The following S100A2 variants were observed in gnomAD, a reference collection of about 807,000 sequenced individuals.
S100A2 encodes the protein S100 calcium binding protein A2.
In S100A2, 5 loss-of-function variants were observed where a neutral mutation model predicts 4.3. The ratio of observed to expected loss-of-function variants is 1.16; its 90% CI spans 0.61 to 2.44. The LOEUF (loss-of-function observed/expected upper bound fraction) is 2.44. Among genes scored for constraint, S100A2 ranks in the 30% most tolerant of loss-of-function variants. The probability of loss-of-function intolerance (pLI) is 0.01; values close to 1 mark genes in which losing one functional copy is unlikely to be tolerated. For missense variants in S100A2, 103 were observed against 114.7 expected, an observed-to-expected ratio of 0.90 and a Z score of 0.47; for synonymous variants, 44 against 46.0, an observed-to-expected ratio of 0.96 and a Z score of 0.17.
chr1:153,563,906 A>G lies in S100A2; in HGVS notation c.-10-19T>C, dbSNP rs1462724188. The G allele has an allele frequency of 1.9e-6, 3 of 1,611,336 alleles. No individual in the cohort carries two copies. The highest frequency in any genetic ancestry group is 1.7e-5 in the Admixed American group (1 of 59,832). On this transcript the variant is annotated intron_variant, in intron 1 of 2. Coordinates refer to ENST00000368708, the MANE Select transcript of S100A2 (RefSeq NM_005978.4). Reference sequence around the variant, plus strand: ...TCTGTGGCTGCAGAGGTGCCAGGTGATGGGTACACTGCTGAGGCTCTTGGG... The same window carrying G: ...TCTGTGGCTGCAGAGGTGCCAGGTGGTGGGTACACTGCTGAGGCTCTTGGG...
chr1:153,565,152 A>C lies in S100A2; in HGVS notation c.-11+354T>G, dbSNP rs113453867. Among the ~76,000 whole-genome samples the C allele has an allele frequency of 6.8e-3, 1,035 of 151,872 alleles. 10 individuals carry two copies. Among genetic ancestry groups the C allele is most frequent in the African/African-American group, 0.023 (946 of 41,412 alleles). On this transcript the variant is annotated intron_variant, in intron 1 of 2. Coordinates refer to ENST00000368708, the MANE Select transcript of S100A2 (RefSeq NM_005978.4). ...TGGTGAAACCCCATCTCTACTAAAAATACAAAAAAATTAGCCGGGCATGGT... is the reference window on the plus strand; with the variant it reads ...TGGTGAAACCCCATCTCTACTAAAACTACAAAAAAATTAGCCGGGCATGGT...
chr1:153,563,402 A>C (rs1665937455), intron 2 of S100A2: 1 of 1,534,398 alleles, frequency 6.5e-7, no homozygotes, highest in Non-Finnish European at 8.8e-7. Flanking sequence ...GAAAAGAGAG[A>C]GAGAGAACGT....
At chr1:153,564,429 CCT>C (rs959254706) in intron 1 of S100A2, among the ~76,000 whole-genome samples, 2 of 152,184 alleles carry the variant, frequency 1.3e-5, no homozygotes, top group Admixed American at 6.5e-5. Context: ...AGGAGTGTTT[CCT>C]CTCTCAGACT....
chr1:153,564,791 C>T (rs1665971241), intron 1 of S100A2, among the ~76,000 whole-genome samples: 1 of 134,474 alleles, frequency 7.4e-6, no homozygotes, highest in Non-Finnish European at 1.5e-5. Flanking sequence ...GGGGCCATGA[C>T]CCAGGCAGAG....
chr1:153,565,311 CAAAAAAAAAA>C (rs57778287), intron 1 of S100A2, among the ~76,000 whole-genome samples, 185 bp downstream of exon 1: 1 of 46,758 alleles, frequency 2.1e-5, no homozygotes, highest in African/African-American at 7.5e-5. Flanking sequence ...GACTCCATCT[CAAAAAAAAAA>C]AAAAAAAAAA....
At position 153,563,815 on chromosome 1, in the gene S100A2, G is replaced by A. The variant is rs1441558929; in HGVS notation, c.63C>T (p.Ser21=). Residue 21 remains serine, a synonymous_variant, in exon 2 of 3, where the codon TCC becomes TCT. Coordinates refer to ENST00000368708, the MANE Select transcript of S100A2 (RefSeq NM_005978.4). ...GCTTGAACTTGTCGCCCTCTTGGCA[G>A]GAGTACTTGTGGAAGGTAGTGACCA... The part of the protein sequence containing the change: ...AVLVTTFHKY[S]CQEGDKFKLS... 6.2e-7 allele frequency: 1 copy of A among 1,614,196 alleles called. No homozygotes were observed. The highest frequency in any genetic ancestry group is 2.2e-5 in the East Asian group (1 of 44,882).
At position 153,562,969 on chromosome 1, in the gene S100A2, C is replaced by CAAAAA. The variant is rs35473116; in HGVS notation, c.144+760_144+764dup. On this transcript the variant is annotated intron_variant, in intron 2 of 2. Transcript: ENST00000368708. ...AGAGTGAGATCTTGTCCCCCCACCA[C>CAAAAA]AAAAAAAAAAAAAAAAAAAGGAGTC... Among the ~76,000 whole-genome samples, 17 of 94,412 alleles carry CAAAAA rather than the reference C, an allele frequency of 1.8e-4. 1 individual carries two copies. Among genetic ancestry groups the CAAAAA allele is most frequent in the South Asian group, 3.7e-4 (1 of 2,670 alleles). The allele number at this position is 94,412 out of a possible 152,430, so 61.9% of individuals were successfully genotyped here.
intron 1 of S100A2, chr1:153,564,227 T>C (rs1665959162): frequency 4.7e-6 from 1 of 214,018 alleles, no homozygotes; most frequent in Admixed American, 5.4e-5. Flanking sequence ...TTTGATGGCA[T>C]CTGCGCAGGC....
At position 153,565,746 on chromosome 1, in the gene S100A2, A is replaced by T. The variant is rs1457740966; in HGVS notation, c.-251T>A. On this transcript the variant is annotated 5_prime_UTR_variant, in exon 1 of 3. It adds an upstream start codon to the 5' untranslated region. Transcript: ENST00000368708. ...TGGGGGAGGGCTCTAGGCCAGGTCA[A>T]GGGCAGCCCCTGAGCCCACCCAGGC... 1 of 152,466 alleles carries T rather than the reference A, an allele frequency of 6.6e-6. No individual in the cohort carries two copies. The highest frequency in any genetic ancestry group is 1.5e-5 in the Non-Finnish European group (1 of 68,216). 9.4% of individuals were successfully genotyped at this position (152,466 alleles called of 1,614,324 possible). A position where few individuals can be genotyped will look rare whatever the true frequency, so the allele number is the denominator to read the frequency against.
chr1:153,562,096 G>C (rs749987689), intron 2 of S100A2, among the ~76,000 whole-genome samples: 9 of 151,970 alleles, frequency 5.9e-5, no homozygotes, highest in Non-Finnish European at 1.2e-4. Context: ...CAAGTAGCTG[G>C]GACCACAGGC....
At chr1:153,561,685 G>A in intron 2 of S100A2, 94 bp from the exon 3 acceptor site, 4 of 1,577,792 alleles carry the variant, frequency 2.5e-6, no homozygotes, top group Non-Finnish European at 3.5e-6. Context: ...TTGGTTCCCA[G>A]CTCTCCCTCC....
At chr1:153,565,253 A>C (rs555334860) in intron 1 of S100A2, among the ~76,000 whole-genome samples, 91 of 143,210 alleles carry the variant, frequency 6.4e-4, no homozygotes, top group African/African-American at 2.2e-3. Context: ...GGGAGTTTGC[A>C]GTGAGCTGAG....
At position 153,561,292 on chromosome 1, in the gene S100A2, A is replaced by G. The variant is rs1156585791; in HGVS notation, c.*147T>C. 6 of 955,576 alleles carry G rather than the reference A, an allele frequency of 6.3e-6. No homozygotes were observed. Among genetic ancestry groups the G allele is most frequent in the Non-Finnish European group, 9.4e-6 (6 of 637,824 alleles). 59.2% of individuals were successfully genotyped at this position (955,576 alleles called of 1,614,324 possible). A position where few individuals can be genotyped will look rare whatever the true frequency, so the allele number is the denominator to read the frequency against. ...ATCCAGGAGGCCCTCATCTCCCAGC[A>G]CTCCAGCTGAGCCAGCCGGGTTATG... is the stretch of plus-strand genomic sequence containing the variant. On this transcript the variant is annotated 3_prime_UTR_variant, in exon 3 of 3. Coordinates refer to ENST00000368708, the MANE Select transcript of S100A2 (RefSeq NM_005978.4).
In S100A2 at chr1:153,561,492, G is replaced by A. The variant is rs1485211696; in HGVS notation, c.244C>T (p.Leu82Phe). Residue 82 changes from leucine to phenylalanine, a missense_variant, in exon 3 of 3, where the codon CTC becomes TTC. Transcript: ENST00000368708. ...DFQEYAVFLA[L>F]ITVMCNDFFQ... is the part of the protein sequence containing the mutation. Reference sequence around the variant, plus strand: ...AAGTCATTGCACATGACAGTGATGAGTGCCAGGAAAACAGCATACTCCTGG... The same window carrying A: ...AAGTCATTGCACATGACAGTGATGAATGCCAGGAAAACAGCATACTCCTGG... 6.2e-7 allele frequency: 1 copy of A among 1,614,192 alleles called. No homozygotes were observed.
chr1:153,563,568 C>T (rs753539777), intron 2 of S100A2, 166 bp downstream of exon 2: 80 of 1,551,820 alleles, frequency 5.2e-5, no homozygotes, highest in African/African-American at 9.6e-5. Context: ...TAAGCACTCC[C>T]ACTCGGGCCT....
chr1:153,564,009 G>T, intron 1 of S100A2, 122 bp from the exon 2 acceptor site: 1 of 995,304 alleles, frequency 1.0e-6, no homozygotes, highest in Non-Finnish European at 1.4e-6. Flanking sequence ...TGAATGGGAA[G>T]GCAGGGGCTG....
At position 153,564,052 on chromosome 1, in the gene S100A2, C is replaced by T. The variant is rs982947678; in HGVS notation, c.-10-165G>A. On this transcript the variant is annotated intron_variant, in intron 1 of 2. Coordinates refer to ENST00000368708, the MANE Select transcript of S100A2 (RefSeq NM_005978.4). ...CCCTCAGACTGTGGTTCCCTGAGGC[C>T]GGAGGCGATACCTCCATCTCACCCT... 20 of 653,634 alleles carry T rather than the reference C, an allele frequency of 3.1e-5. No individual in the cohort carries two copies. In the East Asian group the frequency reaches 3.4e-4, roughly 11 times the overall value. 40.5% of individuals were successfully genotyped at this position (653,634 alleles called of 1,614,324 possible).
chr1:153,563,383 A>G (rs756805240), intron 2 of S100A2: 129 of 1,518,740 alleles, frequency 8.5e-5, no homozygotes, highest in Non-Finnish European at 1.1e-4. Context: ...AAAAAAAAAA[A>G]AAAGAAAAGA....
chr1:153,563,896 G>C lies in S100A2; in HGVS notation c.-10-9C>G. On this transcript the variant is annotated splice_polypyrimidine_tract_variant and intron_variant, in intron 1 of 2. Transcript: ENST00000368708. The stretch of plus-strand genomic sequence containing the variant: ...ACATCATGGATCTGTGGCTGCAGAG[G>C]TGCCAGGTGATGGGTACACTGCTGA... The C allele has an allele frequency of 1.2e-6, 2 of 1,612,692 alleles. No individual in the cohort carries two copies. The highest frequency in any genetic ancestry group is 2.7e-5 in the African/African-American group (2 of 75,036).
Sources: gnomAD v4.1 joint callset for allele counts (sites outside exome capture counted in the v4.1 genomes callset) on GRCh38, gnomAD v4.1.1 for gene constraint, MANE v1.5 for transcripts, NCBI Gene and HGNC (gene_info 2026-07-23, HGNC 2026-07-21) for gene names.